The following ATP6V1D variants were observed in gnomAD, a reference collection of about 807,000 sequenced individuals.
ATP6V1D encodes V-type proton ATPase subunit D.
Under a neutral mutation model 39.4 loss-of-function variants are expected in ATP6V1D, and 20 were observed. That is an observed-to-expected ratio of 0.51 (90% CI 0.36 to 0.74). ATP6V1D has a LOEUF of 0.74. ATP6V1D is among the 30% of genes least tolerant of loss of function. The pLI is 0.00. For synonymous variants in ATP6V1D, 100 were observed against 100.5 expected, an observed-to-expected ratio of 0.99 and a Z score of 0.03; for missense variants, 228 against 291.6, an observed-to-expected ratio of 0.78 and a Z score of 1.59.
chr14:67,339,186 G>A (rs1244067271), intron 8 of ATP6V1D, among the ~76,000 whole-genome samples: 2 of 151,748 alleles, frequency 1.3e-5, no homozygotes, highest in East Asian at 1.9e-4. Flanking sequence ...TAGTAGAGAC[G>A]GAGGGTTTCA....
At chr14:67,342,780 G>A (rs1268906833) in intron 7 of ATP6V1D, among the ~76,000 whole-genome samples, 1 of 151,250 alleles carries the variant, frequency 6.6e-6, no homozygotes, top group East Asian at 1.9e-4. Flanking sequence ...CATTAATATA[G>A]AAATTCCCAA....
intron 7 of ATP6V1D, 83 bp downstream of exon 7, chr14:67,343,289 T>C: frequency 9.3e-7 from 1 of 1,071,396 alleles, no homozygotes; most frequent in Non-Finnish European, 1.4e-6. Flanking sequence ...CAGTCTTCAG[T>C]ACAGTCCCTG....
intron 3 of ATP6V1D, among the ~76,000 whole-genome samples, chr14:67,349,786 T>C (rs1465719570): frequency 6.6e-6 from 1 of 152,206 alleles, no homozygotes; most frequent in Admixed American, 6.5e-5. Context: ...CACTATTGAT[T>C]GATCTCCACC....
intron 1 of ATP6V1D, among the ~76,000 whole-genome samples, chr14:67,356,619 T>A (rs2085686639): frequency 6.6e-6 from 1 of 152,206 alleles, no homozygotes; most frequent in African/African-American, 2.4e-5. Flanking sequence ...AGTTACTCAG[T>A]GAAGAAAAGG....
intron 1 of ATP6V1D, among the ~76,000 whole-genome samples, chr14:67,354,346 CTTTG>C (rs937948926): frequency 1.3e-5 from 2 of 152,114 alleles, no homozygotes; most frequent in East Asian, 1.9e-4. Context: ...AAAATAATAT[CTTTG>C]TTTTAGTTTC....
intron 3 of ATP6V1D, 48 bp downstream of exon 3, chr14:67,350,563 C>T (rs2085649216): frequency 6.7e-7 from 1 of 1,496,986 alleles, no homozygotes; most frequent in African/African-American, 1.4e-5. Context: ...AATTATGAGA[C>T]TGAAATCACT....
chr14:67,342,379 T>G (rs2085591925), intron 7 of ATP6V1D, among the ~76,000 whole-genome samples: 1 of 151,796 alleles, frequency 6.6e-6, no homozygotes, highest in Non-Finnish European at 1.5e-5. Flanking sequence ...ATGTGCTGAA[T>G]TCTATGAATA....
chr14:67,351,763 C>T (rs2085655054), intron 2 of ATP6V1D, among the ~76,000 whole-genome samples: 1 of 152,050 alleles, frequency 6.6e-6, no homozygotes, highest in East Asian at 1.9e-4. Context: ...TCAAACCATC[C>T]TCCCACCTCG....
chr14:67,338,517 A>C lies in ATP6V1D; in HGVS notation c.*104T>G. On this transcript the variant is annotated 3_prime_UTR_variant, in exon 9 of 9. Transcript: ENST00000216442. Reference sequence around the variant, plus strand: ...TCTAGGTAAATTTTACAACCAGTGAAATTCTTAGGCCAAAAAATAAATAGC... The same window carrying C: ...TCTAGGTAAATTTTACAACCAGTGACATTCTTAGGCCAAAAAATAAATAGC... 7.7e-7 allele frequency: 1 copy of C among 1,290,674 alleles called. No individual in the cohort carries two copies. Among genetic ancestry groups the C allele is most frequent in the Non-Finnish European group, 1.0e-6 (1 of 962,378 alleles). 80.0% of individuals were successfully genotyped at this position (1,290,674 alleles called of 1,614,324 possible).
At position 67,352,918 on chromosome 14, in the gene ATP6V1D, T is replaced by C; in HGVS notation, c.159+5A>G. The C allele has an allele frequency of 1.9e-6, 3 of 1,582,718 alleles. No homozygotes were observed. Among genetic ancestry groups the C allele is most frequent in the South Asian group, 1.1e-5 (1 of 88,262 alleles). On this transcript the variant is annotated splice_donor_5th_base_variant and intron_variant, in intron 2 of 8. Coordinates refer to ENST00000216442, the MANE Select transcript of ATP6V1D (RefSeq NM_015994.4). ...AAATACTATTCTAAGAAAAGTTCAT[T>C]CTACCTCTATTATCTTCTTTAGGAT...
chr14:67,356,356 G>C (rs1378357390), intron 1 of ATP6V1D, among the ~76,000 whole-genome samples: 1 of 151,656 alleles, frequency 6.6e-6, no homozygotes, highest in Non-Finnish European at 1.5e-5. Flanking sequence ...GGCAGGCAGA[G>C]GTTGCAGTGA....
At chr14:67,359,545 A>T in intron 1 of ATP6V1D, 113 bp downstream of exon 1, 1 of 1,220,812 alleles carries the variant, frequency 8.2e-7, no homozygotes, top group Non-Finnish European at 1.2e-6. Context: ...AACCTGGGAA[A>T]AGCTCAGGAT....
At chr14:67,352,875 G>T in intron 2 of ATP6V1D, 48 bp downstream of exon 2, 1 of 1,323,338 alleles carries the variant, frequency 7.6e-7, no homozygotes, top group Non-Finnish European at 1.1e-6. Flanking sequence ...CAAGGGCCAT[G>T]CTGGATTTTT....
rs116129507 is a variant in ATP6V1D at position 67,338,606 on chromosome 14, C to A, written c.*15G>T. 8.5e-4 allele frequency: 1,362 copies of A among 1,609,460 alleles called. No homozygotes were observed. The highest frequency in any genetic ancestry group is 5.8e-3 in the African/African-American group (437 of 74,780). On this transcript the variant is annotated 3_prime_UTR_variant, in exon 9 of 9. Coordinates refer to ENST00000216442, the MANE Select transcript of ATP6V1D (RefSeq NM_015994.4). ...GCCAGTGTTAGGGTTTCTCAAAGAA[C>A]CAGAACAGGAAAGATTATTCAAATA...
intron 7 of ATP6V1D, among the ~76,000 whole-genome samples, chr14:67,342,935 T>C (rs1041808492): frequency 6.6e-6 from 1 of 152,020 alleles, no homozygotes; most frequent in African/African-American, 2.4e-5. Flanking sequence ...AGATGGAAAA[T>C]AAGTGCATCA....
intron 1 of ATP6V1D, among the ~76,000 whole-genome samples, chr14:67,353,480 T>C (rs1189705512): frequency 6.7e-6 from 1 of 148,466 alleles, no homozygotes; most frequent in African/African-American, 2.6e-5. Flanking sequence ...AAGACTCCTT[T>C]TGTTGTTGTT....
At chr14:67,342,971 G>A (rs1254186188) in intron 7 of ATP6V1D, among the ~76,000 whole-genome samples, 2 of 152,080 alleles carry the variant, frequency 1.3e-5, no homozygotes, top group Non-Finnish European at 2.9e-5. Context: ...AGAAATCAAG[G>A]AGAATGGCTT....
At chr14:67,355,895 A>G (rs2085682243) in intron 1 of ATP6V1D, among the ~76,000 whole-genome samples, 1 of 151,906 alleles carries the variant, frequency 6.6e-6, no homozygotes, top group Admixed American at 6.6e-5. Flanking sequence ...ATATACAAAG[A>G]AGGCTAAGGT....
At chr14:67,358,673 C>T (rs911327763) in intron 1 of ATP6V1D, among the ~76,000 whole-genome samples, 2 of 152,170 alleles carry the variant, frequency 1.3e-5, no homozygotes, top group African/African-American at 4.8e-5. Context: ...GCACCCCAGC[C>T]TGGGAGACCC....
Sources: allele counts gnomAD v4.1 joint callset (sites outside exome capture counted in the v4.1 genomes callset), GRCh38; gene constraint gnomAD v4.1.1; transcripts MANE v1.5; gene names NCBI Gene and HGNC (gene_info 2026-07-23, HGNC 2026-07-21).